BMP6: variants seen among roughly 807,000 people sequenced by gnomAD.
BMP6 encodes VG-1-R.
BMP6 carries 17 observed loss-of-function variants against 54.1 expected under a neutral mutation model. The ratio of observed to expected loss-of-function variants is 0.31; its 90% confidence interval spans 0.22 to 0.47. The LOEUF (loss-of-function observed/expected upper bound fraction) is 0.47, where lower values mean the gene tolerates loss of function less well. BMP6 is among the 20% of genes least tolerant of loss of function. The pLI is 1.00. For missense variants in BMP6, 720 were observed against 690.4 expected (o/e 1.04, Z -0.48); for synonymous variants, 328 against 291.2 (o/e 1.13, Z -1.28).
intron 1 of BMP6, among the ~76,000 whole-genome samples, chr6:7,777,423 C>T (rs527703530): frequency 7.2e-5 from 11 of 152,140 alleles, no homozygotes; most frequent in Non-Finnish European, 8.8e-5. Flanking sequence ...TACTTTCTTC[C>T]AAGTATTCTA....
At chr6:7,795,841 T>C (rs1221678776) in intron 1 of BMP6, among the ~76,000 whole-genome samples, 2 of 152,032 alleles carry the variant, frequency 1.3e-5, no homozygotes, top group Non-Finnish European at 1.5e-5. Context: ...AGGTGACTCC[T>C]GGGCACCCAT....
At chr6:7,780,709 G>GTTGTTA (rs142908587) in intron 1 of BMP6, among the ~76,000 whole-genome samples, 3 of 151,128 alleles carry the variant, frequency 2.0e-5, no homozygotes, top group East Asian at 1.9e-4. Context: ...TTATTTTATT[G>GTTGTTA]TTATTATTAT....
chr6:7,808,650 A>G (rs1031188622), intron 1 of BMP6, among the ~76,000 whole-genome samples: 5 of 152,192 alleles, frequency 3.3e-5, no homozygotes, highest in Admixed American at 6.5e-5. Context: ...ACAGTGGCTC[A>G]TGCCTATAAT....
At position 7,780,414 on chromosome 6, in the gene BMP6, T is replaced by G. The variant is rs1419484299; in HGVS notation, c.664+52795T>G. ...AATACAAAAAATTAGCCGGATGTGG[T>G]GGCTGGCCCCTGTAATCCCAGCTGC... On this transcript the variant is annotated intron_variant, in intron 1 of 6. Transcript: ENST00000283147. Among the ~76,000 whole-genome samples, 7 of 152,208 alleles carry G rather than the reference T, an allele frequency of 4.6e-5. No individual in the cohort carries two copies. In the East Asian group the frequency reaches 7.7e-4, roughly 17 times the overall value.
chr6:7,803,333 CA>C (rs1467752200), intron 1 of BMP6, among the ~76,000 whole-genome samples: 1 of 152,104 alleles, frequency 6.6e-6, no homozygotes, highest in Admixed American at 6.5e-5. Flanking sequence ...TGGTCCAACT[CA>C]AATCCACTGA....
At chr6:7,789,108 G>A (rs2113180091) in intron 1 of BMP6, among the ~76,000 whole-genome samples, 1 of 152,264 alleles carries the variant, frequency 6.6e-6, no homozygotes. Flanking sequence ...CCTCGGTGTT[G>A]TTAACTATAG....
At chr6:7,755,337 A>G (rs1242867175) in intron 1 of BMP6, among the ~76,000 whole-genome samples, 2 of 151,314 alleles carry the variant, frequency 1.3e-5, no homozygotes, top group African/African-American at 2.4e-5. Context: ...TTAGACCTTT[A>G]TGTTTTATTT....
intron 1 of BMP6, among the ~76,000 whole-genome samples, chr6:7,813,667 AAAC>A (rs1304622745): frequency 0.083 from 5,469 of 65,878 alleles, 1,878 homozygotes; most frequent in African/African-American, 0.12. Context: ...AAAAAAAAAA[AAAC>A]CCACCAAACC....
At chr6:7,839,274 C>A in intron 1 of BMP6, among the ~76,000 whole-genome samples, 1 of 152,234 alleles carries the variant, frequency 6.6e-6, no homozygotes, top group East Asian at 1.9e-4. Flanking sequence ...AAGCAGTCCT[C>A]CTGCCTTGGC....
intron 1 of BMP6, among the ~76,000 whole-genome samples, chr6:7,747,813 AT>A (rs1252550367): frequency 0.012 from 1,714 of 144,572 alleles, 27 homozygotes; most frequent in African/African-American, 0.038. Context: ...TGACTAGCTA[AT>A]TTTTTTTTTT....
At chr6:7,786,460 G>GTTTTTTTTTTTTTT (rs35750746) in intron 1 of BMP6, among the ~76,000 whole-genome samples, 1 of 135,150 alleles carries the variant, frequency 7.4e-6, no homozygotes, top group African/African-American at 2.7e-5. Flanking sequence ...TCTTTAGTCT[G>GTTTTTTTTTTTTTT]TTTTTTTTTT....
intron 2 of BMP6, among the ~76,000 whole-genome samples, chr6:7,848,776 T>C (rs977034169): frequency 6.6e-6 from 1 of 152,214 alleles, no homozygotes; most frequent in Non-Finnish European, 1.5e-5. Context: ...TTTTAGAAGT[T>C]TACTTCATGG....
chr6:7,846,219 A>G (rs865997335), intron 2 of BMP6, among the ~76,000 whole-genome samples: 5 of 152,154 alleles, frequency 3.3e-5, no homozygotes, highest in African/African-American at 9.7e-5. Flanking sequence ...AAGTGAACAT[A>G]TGGGGGAGGG....
intron 1 of BMP6, among the ~76,000 whole-genome samples, chr6:7,843,529 T>A (rs191358406): frequency 6.6e-6 from 1 of 152,026 alleles, no homozygotes; most frequent in East Asian, 1.9e-4. Flanking sequence ...AGTGGGAAGT[T>A]GGAGGTGGCT....
At chr6:7,739,289 G>A (rs1032109649) in intron 1 of BMP6, among the ~76,000 whole-genome samples, 2 of 152,142 alleles carry the variant, frequency 1.3e-5, no homozygotes, top group African/African-American at 4.8e-5. Flanking sequence ...GGCAATTTGG[G>A]TAGGGCACAA....
chr6:7,749,885 C>T (rs1241244072), intron 1 of BMP6, among the ~76,000 whole-genome samples: 1 of 152,170 alleles, frequency 6.6e-6, no homozygotes, highest in Non-Finnish European at 1.5e-5. Context: ...AAGGAATCCG[C>T]ATTTTAAGAA....
chr6:7,728,920 A>G lies in BMP6; in HGVS notation c.664+1301A>G, dbSNP rs7775106. On this transcript the variant is annotated intron_variant, in intron 1 of 6. Coordinates refer to ENST00000283147, the MANE Select transcript of BMP6 (RefSeq NM_001718.6). ...CTTTACCAGCCTATCTATGATTCCCAACTCCACTGAGCTTTGAGGGAGAGA... is the reference window on the plus strand; with the variant it reads ...CTTTACCAGCCTATCTATGATTCCCGACTCCACTGAGCTTTGAGGGAGAGA... 2.9e-3 allele frequency among the ~76,000 whole-genome samples: 437 copies of G among 152,246 alleles called. 2 individuals carry two copies. Among genetic ancestry groups the G allele is most frequent in the African/African-American group, 0.01 (421 of 41,548 alleles).
intron 1 of BMP6, among the ~76,000 whole-genome samples, chr6:7,755,560 T>C (rs1192947895): frequency 6.6e-6 from 1 of 152,178 alleles, no homozygotes; most frequent in Non-Finnish European, 1.5e-5. Context: ...CATCAAGCAG[T>C]CAATCACGTT....
chr6:7,822,950 G>A (rs1349211964), intron 1 of BMP6, among the ~76,000 whole-genome samples: 1 of 148,038 alleles, frequency 6.8e-6, no homozygotes, highest in African/African-American at 2.5e-5. Context: ...TGTACACACT[G>A]GTAAATAGGG....
Sources: gnomAD v4.1 joint callset for allele counts (sites outside exome capture counted in the v4.1 genomes callset) on GRCh38, gnomAD v4.1.1 for gene constraint, MANE v1.5 for transcripts, NCBI Gene and HGNC (gene_info 2026-07-23, HGNC 2026-07-21) for gene names.